RAB6B: variants seen among roughly 807,000 people sequenced by gnomAD.
The protein encoded by RAB6B is ras-related protein Rab-6B.
Under a neutral mutation model 31.2 loss-of-function variants are expected in RAB6B, and 7 were observed. That is an observed-to-expected ratio of 0.22 (90% CI 0.13 to 0.42). The LOEUF is 0.42. Among genes scored for constraint, RAB6B ranks in the 10% least tolerant of loss-of-function variants. The pLI is 1.00. For missense variants in RAB6B, 149 were observed against 280.6 expected, an observed-to-expected ratio of 0.53 and a Z score of 3.35; for synonymous variants, 105 against 104.9, an observed-to-expected ratio of 1.00 and a Z score of -0.01.
rs543346510 is a variant in RAB6B, at chr3:133,857,759, C to T, written c.129+6825G>A. ...ACCTCCCACTGGACTCTTCCTTTTT[C>T]TTTGTATTGATGGCACTGATATTCT... On this transcript the variant is annotated intron_variant, in intron 2 of 7. Transcript: ENST00000285208. Among the ~76,000 whole-genome samples the T allele has an allele frequency of 2.2e-3, 331 of 152,298 alleles. 4 individuals are homozygous for T. The highest frequency in any genetic ancestry group is 7.3e-3 in the African/African-American group (304 of 41,562).
chr3:133,883,616 T>C lies in RAB6B; in HGVS notation c.70+11781A>G, dbSNP rs59900352. Among the ~76,000 whole-genome samples, 1,139 of 152,272 alleles carry C rather than the reference T, an allele frequency of 7.5e-3. 15 individuals carry two copies. The highest frequency in any genetic ancestry group is 0.025 in the African/African-American group (1,039 of 41,538). ...TCCCCAGTGCCCCTTGCTTCCCCTG[T>C]TTGCCCTCTTAGCCCTCCTCTTTTA... On this transcript the variant is annotated intron_variant, in intron 1 of 7. Transcript: ENST00000285208.
rs534768726 is a variant in RAB6B, at chr3:133,851,610, G to T, written c.130-9947C>A. 2.0e-5 allele frequency among the ~76,000 whole-genome samples: 3 copies of T among 152,304 alleles called. No individual in the cohort carries two copies. The South Asian group carries it at 6.2e-4, about 32-fold the overall frequency. The stretch of plus-strand genomic sequence containing the variant: ...GAGTGATATCAAGAAGCAGAGGCAG[G>T]ACTCCATGGGTGTGAAAGATGTAGA... On this transcript the variant is annotated intron_variant, in intron 2 of 7. Coordinates refer to ENST00000285208, the MANE Select transcript of RAB6B (RefSeq NM_016577.4).
chr3:133,873,051 A>G, intron 1 of RAB6B, among the ~76,000 whole-genome samples: 1 of 152,120 alleles, frequency 6.6e-6, no homozygotes, highest in Non-Finnish European at 1.5e-5. Context: ...GCCCCGTCTC[A>G]CTATCCTGCA....
At chr3:133,880,078 G>C (rs933510370) in intron 1 of RAB6B, among the ~76,000 whole-genome samples, 27 of 152,216 alleles carry the variant, frequency 1.8e-4, no homozygotes, top group African/African-American at 6.0e-4. Context: ...AATTCACAGT[G>C]AGTATGCATA....
intron 1 of RAB6B, among the ~76,000 whole-genome samples, chr3:133,892,674 A>C (rs1455349569): frequency 2.6e-5 from 4 of 152,226 alleles, no homozygotes; most frequent in Admixed American, 2.0e-4. Flanking sequence ...CATATCGGCA[A>C]GCCCATGCTG....
At chr3:133,839,043 C>A (rs1935782088) in intron 5 of RAB6B, among the ~76,000 whole-genome samples, 1 of 152,224 alleles carries the variant, frequency 6.6e-6, no homozygotes, top group African/African-American at 2.4e-5. Context: ...AAGCAGGCTA[C>A]GGCCATAGGT....
chr3:133,882,938 G>C (rs1936489397), intron 1 of RAB6B, among the ~76,000 whole-genome samples: 1 of 152,146 alleles, frequency 6.6e-6, no homozygotes, highest in African/African-American at 2.4e-5. Flanking sequence ...GGGAGGGAGG[G>C]GAATTTAATG....
intron 1 of RAB6B, among the ~76,000 whole-genome samples, chr3:133,879,763 G>T (rs931586927): frequency 7.2e-5 from 11 of 152,172 alleles, no homozygotes; most frequent in African/African-American, 2.4e-4. Flanking sequence ...GCCTTGCTAA[G>T]CCTTCTCACA....
At chr3:133,836,882 C>T (rs1559900240) in intron 6 of RAB6B, among the ~76,000 whole-genome samples, 1 of 152,166 alleles carries the variant, frequency 6.6e-6, no homozygotes, top group Admixed American at 6.5e-5. Context: ...TCCCTTCCAC[C>T]CTTCTTGTCT....
intron 1 of RAB6B, among the ~76,000 whole-genome samples, chr3:133,892,529 C>T (rs558926102): frequency 6.6e-6 from 1 of 152,178 alleles, no homozygotes; most frequent in Non-Finnish European, 1.5e-5. Flanking sequence ...GGTCCATGCA[C>T]GCCACTCTTC....
At chr3:133,878,802 T>C (rs1559912305) in intron 1 of RAB6B, among the ~76,000 whole-genome samples, 5 of 152,142 alleles carry the variant, frequency 3.3e-5, no homozygotes, top group South Asian at 2.1e-4. Context: ...TGCAATACTA[T>C]AAGAAAAATA....
At chr3:133,859,845 A>G (rs1223979304) in intron 2 of RAB6B, among the ~76,000 whole-genome samples, 1 of 152,256 alleles carries the variant, frequency 6.6e-6, no homozygotes, top group East Asian at 1.9e-4. Flanking sequence ...GCCTGCAGAC[A>G]CAATGGCCAG....
intron 7 of RAB6B, among the ~76,000 whole-genome samples, chr3:133,830,314 A>G (rs1292177408): frequency 6.6e-6 from 1 of 152,102 alleles, no homozygotes; most frequent in Non-Finnish European, 1.5e-5. Flanking sequence ...GGTGACAATC[A>G]TGTCACACTC....
intron 1 of RAB6B, among the ~76,000 whole-genome samples, chr3:133,878,446 T>C (rs1936425397): frequency 6.6e-6 from 1 of 151,788 alleles, no homozygotes; most frequent in Non-Finnish European, 1.5e-5. Flanking sequence ...GGACAACATC[T>C]TTCAAAAACA....
At chr3:133,836,824 G>A (rs1935743707) in intron 6 of RAB6B, among the ~76,000 whole-genome samples, 1 of 152,178 alleles carries the variant, frequency 6.6e-6, no homozygotes. Flanking sequence ...TCTAGTTAGG[G>A]TGGGGCACTG....
chr3:133,860,303 C>T (rs778090482), intron 2 of RAB6B, among the ~76,000 whole-genome samples: 3 of 152,116 alleles, frequency 2.0e-5, no homozygotes, highest in Admixed American at 6.5e-5. Context: ...TGACTGGTGT[C>T]CTCTTAAGAA....
intron 1 of RAB6B, 28 bp downstream of exon 1, chr3:133,895,369 A>G (rs770392424): frequency 1.2e-5 from 19 of 1,604,734 alleles, no homozygotes; most frequent in Admixed American, 8.5e-5. Context: ...ACTCGGCGAC[A>G]AGCCAAGAGA....
In RAB6B at chr3:133,895,489, A is replaced by AGAG. The variant is rs754105199; in HGVS notation, c.-26_-24dup. 1 of 1,609,640 alleles carries AGAG rather than the reference A, an allele frequency of 6.2e-7. No homozygotes were observed. The highest frequency in any genetic ancestry group is 1.7e-5 in the Admixed American group (1 of 59,500). On this transcript the variant is annotated 5_prime_UTR_variant, in exon 1 of 8. Transcript: ENST00000285208. ...CATGGTGCTGGCAGCCGGGGCCGGG[A>AGAG]GAGGAGGAGGAGGAAAAAGCGAAGG...
intron 4 of RAB6B, 23 bp from the exon 5 acceptor site, chr3:133,839,640 A>G: frequency 6.3e-7 from 1 of 1,576,550 alleles, no homozygotes; most frequent in Non-Finnish European, 8.7e-7. Context: ...AGTGAGGATA[A>G]ACTGAAAGCC....
Sources: allele counts gnomAD v4.1 joint callset (sites outside exome capture counted in the v4.1 genomes callset), GRCh38; gene constraint gnomAD v4.1.1; transcripts MANE v1.5; gene names NCBI Gene and HGNC (gene_info 2026-07-23, HGNC 2026-07-21).